Variants in SLC6A9 observed in about 807,000 individuals in gnomAD.
The protein encoded by SLC6A9 is solute carrier family 6 member 9.
In SLC6A9, 31 loss-of-function variants were observed where a neutral mutation model predicts 70.9. The observed-to-expected ratio is 0.44, with a 90% CI of 0.33 to 0.59. SLC6A9 has a LOEUF of 0.59. Among genes scored for constraint, SLC6A9 ranks in the 20% least tolerant of loss-of-function variants. The probability of loss-of-function intolerance (pLI) is 0.04; values close to 1 mark genes in which losing one functional copy is unlikely to be tolerated. For synonymous variants in SLC6A9, 310 were observed against 341.3 expected (o/e 0.91, Z 1.01); for missense variants, 631 against 845.2 (o/e 0.75, Z 3.14).
intron 2 of SLC6A9, among the ~76,000 whole-genome samples, chr1:44,017,812 C>T: frequency 6.6e-6 from 1 of 152,228 alleles, no homozygotes. Context: ...TGGCATTAGC[C>T]AAGGGGGCAA....
Position 44,002,471 on chromosome 1 carries a change from G to T in SLC6A9, c.858+41C>A, listed in dbSNP as rs199566351. 10 of 1,613,428 alleles carry T rather than the reference G, an allele frequency of 6.2e-6. No individual in the cohort carries two copies. The highest frequency in any genetic ancestry group is 8.5e-6 in the Non-Finnish European group (10 of 1,179,426). On this transcript the variant is annotated intron_variant, in intron 7 of 13. Coordinates refer to ENST00000372310, the MANE Select transcript of SLC6A9 (RefSeq NM_001024845.3). The surrounding 1 kb of genome is among the most constrained non-coding windows in gnomAD (Gnocchi z 5.5). ...TGTGGGCAGAGGCAGGCACCTCCCTGGCCCCTCCCCAGCCCCCTTCCGGTT... is the reference window on the plus strand; with the variant it reads ...TGTGGGCAGAGGCAGGCACCTCCCTTGCCCCTCCCCAGCCCCCTTCCGGTT...
chr1:44,011,686 G>T (rs1456874199), intron 2 of SLC6A9: 1 of 1,614,074 alleles, frequency 6.2e-7, no homozygotes, highest in Non-Finnish European at 8.5e-7. Context: ...GAAAAGGGTG[G>T]CAGGAAGAAG....
chr1:44,013,781 C>A lies in SLC6A9; in HGVS notation c.31-2899G>T, dbSNP rs1219782264. 6.6e-6 allele frequency among the ~76,000 whole-genome samples: 1 copy of A among 152,166 alleles called. No homozygotes were observed. Among genetic ancestry groups the A allele is most frequent in the African/African-American group, 2.4e-5 (1 of 41,454 alleles). ...GAGGAAAGACTCTCCAAAAAAAAAT[C>A]CAGGCACTTTCTGGGTGTTCTAGTT... is the stretch of plus-strand genomic sequence containing the variant. On this transcript the variant is annotated intron_variant, in intron 2 of 13. Transcript: ENST00000372310. The surrounding 1 kb of genome is among the most constrained non-coding windows in gnomAD (Gnocchi z 5.3).
intron 5 of SLC6A9, among the ~76,000 whole-genome samples, chr1:44,003,328 A>G (rs1335262003): frequency 6.6e-6 from 1 of 152,216 alleles, no homozygotes; most frequent in Non-Finnish European, 1.5e-5. Flanking sequence ...TTGTTTGCAC[A>G]CTTCTCCCTT....
In SLC6A9 at chr1:44,008,400, C is replaced by T. The variant is rs773373117; in HGVS notation, c.543G>A (p.Leu181=). Residue 181 remains leucine, a synonymous_variant, in exon 5 of 14, where the codon CTG becomes CTA. Coordinates refer to ENST00000372310, the MANE Select transcript of SLC6A9 (RefSeq NM_001024845.3). ...TGGTCCTCTGGAGGCTGTGGTTGAG[C>T]AGGTGGGAGAGGTTGCTGGGCAAGG... ...PAALPSNLSH[L]LNHSLQRTSP... is the part of the protein sequence containing the mutation. 1 of 1,613,974 alleles carries T rather than the reference C, an allele frequency of 6.2e-7. No individual in the cohort carries two copies. Among genetic ancestry groups the T allele is most frequent in the Non-Finnish European group, 8.5e-7 (1 of 1,179,962 alleles).
intron 2 of SLC6A9, among the ~76,000 whole-genome samples, chr1:44,019,439 G>A (rs56753953): frequency 0.089 from 13,490 of 152,302 alleles, 1,792 homozygotes; most frequent in African/African-American, 0.29. Context: ...TCATGCGCCT[G>A]GTCCCCAGAC....
chr1:44,001,212 C>T lies in SLC6A9; in HGVS notation c.1287G>A (p.Leu429=). The T allele has an allele frequency of 6.2e-7, 1 of 1,614,240 alleles. No individual in the cohort carries two copies. The highest frequency in any genetic ancestry group is 8.5e-7 in the Non-Finnish European group (1 of 1,180,040). The change falls in exon 10 of 14, where the codon TTG becomes TTA. Residue 429 remains leucine, a synonymous_variant. Coordinates refer to ENST00000372310, the MANE Select transcript of SLC6A9 (RefSeq NM_001024845.3). ...GCAGGAAGCCAGCCACAGCCACGCCCAAGGTCACATAGGTCTTTTTCTGCA... is the reference window on the plus strand; with the variant it reads ...GCAGGAAGCCAGCCACAGCCACGCCTAAGGTCACATAGGTCTTTTTCTGCA... ...WILQKKTYVT[L]GVAVAGFLLG...
At position 44,015,743 on chromosome 1, in the gene SLC6A9, C is replaced by T. The variant is rs915024051; in HGVS notation, c.31-4861G>A. ...ACCCTGCAATGACAGAATCTTCTGT[C>T]CTTCACCTACATGGCACTGAGTAGG... On this transcript the variant is annotated intron_variant, in intron 2 of 13. Transcript: ENST00000372310. 1.6e-5 allele frequency: 9 copies of T among 552,738 alleles called. No homozygotes were observed. The African/African-American group carries it at 1.6e-4, about 10-fold the overall frequency. 34.2% of individuals were successfully genotyped at this position (552,738 alleles called of 1,614,324 possible).
chr1:44,027,376 G>C (rs1206773151), intron 1 of SLC6A9, among the ~76,000 whole-genome samples: 1 of 152,188 alleles, frequency 6.6e-6, no homozygotes, highest in Non-Finnish European at 1.5e-5. Context: ...AAGTTCTGAA[G>C]TTTCTGCCTA....
chr1:44,011,389 T>G (rs1316464448), intron 2 of SLC6A9, among the ~76,000 whole-genome samples: 1 of 151,104 alleles, frequency 6.6e-6, no homozygotes, highest in Non-Finnish European at 1.5e-5. Context: ...GTTAGACCCC[T>G]CCCCCAGCTG....
At chr1:44,025,356 G>A (rs1439173401) in intron 1 of SLC6A9, among the ~76,000 whole-genome samples, 1 of 152,138 alleles carries the variant, frequency 6.6e-6, no homozygotes, top group East Asian at 1.9e-4. Flanking sequence ...CAATGCTGGT[G>A]CACACTGGAT....
chr1:44,011,937 G>A (rs2086587327), intron 2 of SLC6A9, among the ~76,000 whole-genome samples: 2 of 152,314 alleles, frequency 1.3e-5, no homozygotes, highest in South Asian at 4.1e-4. Flanking sequence ...CCCTCCCACA[G>A]TGAGCAGGAA....
rs2086079898 is a variant in SLC6A9 at position 44,001,053 on chromosome 1, T to C, written c.1338A>G (p.Ala446=). ...FLLGIPLTSQ[A]GIYWLLLMDN... is the part of the protein sequence containing the mutation. Reference sequence around the variant, plus strand: ...CCATCAGCAGCAGCCAATAGATGCCTGCCTGGGGAACAGCGGGCAGCTGTG... The same window carrying C: ...CCATCAGCAGCAGCCAATAGATGCCCGCCTGGGGAACAGCGGGCAGCTGTG... The change falls in exon 11 of 14, where the codon GCA becomes GCG. Residue 446 remains alanine, a splice_region_variant and synonymous_variant. Transcript: ENST00000372310. 2.5e-6 allele frequency: 4 copies of C among 1,588,642 alleles called. No homozygotes were observed. The highest frequency in any genetic ancestry group is 3.4e-6 in the Non-Finnish European group (4 of 1,165,904).
At chr1:44,029,179 G>T (rs1342656266) in intron 1 of SLC6A9, among the ~76,000 whole-genome samples, 1 of 152,214 alleles carries the variant, frequency 6.6e-6, no homozygotes, top group African/African-American at 2.4e-5. Context: ...TATCAGACAG[G>T]ACTGTCAGGT....
chr1:44,010,195 T>C, intron 3 of SLC6A9, 99 bp from the exon 4 acceptor site: 1 of 1,357,296 alleles, frequency 7.4e-7, no homozygotes, highest in Non-Finnish European at 1.0e-6. Context: ...CGCGATTGGG[T>C]AGGACCCAGG....
intron 12 of SLC6A9, among the ~76,000 whole-genome samples, chr1:44,000,251 A>G (rs943220693): frequency 2.6e-5 from 4 of 152,198 alleles, no homozygotes; most frequent in African/African-American, 9.7e-5. Flanking sequence ...GCTGTTGAAT[A>G]TTCATAAAAC....
In SLC6A9 at chr1:44,018,765, G is replaced by A. The variant is rs868851977; in HGVS notation, c.30+5483C>T. 2.0e-5 allele frequency among the ~76,000 whole-genome samples: 3 copies of A among 151,778 alleles called. No homozygotes were observed. Among genetic ancestry groups the A allele is most frequent in the Non-Finnish European group, 2.9e-5 (2 of 67,916 alleles). On this transcript the variant is annotated intron_variant, in intron 2 of 13. Coordinates refer to ENST00000372310, the MANE Select transcript of SLC6A9 (RefSeq NM_001024845.3). This position sits in a 1 kb window ranked among gnomAD's most constrained non-coding sequence, Gnocchi z 4.2. ...CCAGCCTGGGCAACATAGTGAGACC[G>A]TGTCTCTACAAAAAACTGGCAAGGT...
chr1:44,020,046 C>T lies in SLC6A9; in HGVS notation c.30+4202G>A, dbSNP rs1034007385. Among the ~76,000 whole-genome samples the T allele has an allele frequency of 4.6e-5, 7 of 152,268 alleles. 1 individual carries two copies. The South Asian group carries it at 8.3e-4, about 18-fold the overall frequency. On this transcript the variant is annotated intron_variant, in intron 2 of 13. Coordinates refer to ENST00000372310, the MANE Select transcript of SLC6A9 (RefSeq NM_001024845.3). ...CTGGATCTAGATATTGCCCATTTCA[C>T]GGAGGATGGGGTAGCTGCTAATCTA...
At position 43,997,489 on chromosome 1, in the gene SLC6A9, A is replaced by T. The variant is rs1197913018; in HGVS notation, c.*56T>A. 2.7e-6 allele frequency: 4 copies of T among 1,507,642 alleles called. No individual in the cohort carries two copies. The highest frequency in any genetic ancestry group is 2.7e-6 in the Non-Finnish European group (3 of 1,093,184). The allele number at this position is 1,507,642 out of a possible 1,614,324, so 93.4% of individuals were successfully genotyped here. A position where few individuals can be genotyped will look rare whatever the true frequency, so the allele number is the denominator to read the frequency against. ...AGAGACACCTGGCCTCTGCCTCACC[A>T]GTCTCTGCGGTGGGAGCACGGGGTG... On this transcript the variant is annotated 3_prime_UTR_variant, in exon 14 of 14. Transcript: ENST00000372310. The surrounding 1 kb of genome is among the most constrained non-coding windows in gnomAD (Gnocchi z 4.4).
Sources: allele counts gnomAD v4.1 joint callset (sites outside exome capture counted in the v4.1 genomes callset), GRCh38; gene constraint gnomAD v4.1.1; non-coding constraint Gnocchi (gnomAD v3.1); transcripts MANE v1.5; gene names NCBI Gene and HGNC (gene_info 2026-07-23, HGNC 2026-07-21).